Variants in ARHGAP20 observed in about 807,000 individuals in gnomAD.
The protein encoded by ARHGAP20 is Rho GTPase activating protein 20, also known as rho GTPase-activating protein 20.
In ARHGAP20, 34 loss-of-function variants were observed where a neutral mutation model predicts 73.7. The observed-to-expected ratio is 0.46, with a 90% CI of 0.35 to 0.61. The LOEUF is 0.61. Among genes scored for constraint, ARHGAP20 ranks in the 20% least tolerant of loss-of-function variants. The probability of loss-of-function intolerance (pLI) is 0.00; values close to 1 mark genes in which losing one functional copy is unlikely to be tolerated. For synonymous variants in ARHGAP20, 523 were observed against 518.2 expected, an observed-to-expected ratio of 1.01 and a Z score of -0.13; for missense variants, 1,314 against 1,420.9, an observed-to-expected ratio of 0.92 and a Z score of 1.21.
intron 1 of ARHGAP20, among the ~76,000 whole-genome samples, chr11:110,710,557 GC>G (rs1950629698): frequency 6.6e-6 from 1 of 152,088 alleles, no homozygotes; most frequent in African/African-American, 2.4e-5. Flanking sequence ...TAAATGTAGG[GC>G]TAGCCTGATA....
Position 110,577,331 on chromosome 11 carries a change from C to T in ARHGAP20, c.*2039G>A, listed in dbSNP as rs969113141. 4.0e-6 allele frequency: 5 copies of T among 1,254,052 alleles called. No individual in the cohort carries two copies. The highest frequency in any genetic ancestry group is 5.0e-6 in the Non-Finnish European group (5 of 997,360). 77.7% of individuals were successfully genotyped at this position (1,254,052 alleles called of 1,614,324 possible). On this transcript the variant is annotated 3_prime_UTR_variant, in exon 15 of 15. Transcript: ENST00000683387. Reference sequence around the variant, plus strand: ...AATCATACAATATAATACTTTACAGCAATATTAACAAACTATTCACATTAA... The same window carrying T: ...AATCATACAATATAATACTTTACAGTAATATTAACAAACTATTCACATTAA...
rs1361107646 is a variant in ARHGAP20, at chr11:110,653,372, T to C, written c.189-22580A>G. On this transcript the variant is annotated intron_variant, in intron 2 of 14. Transcript: ENST00000683387. ...ATCTACAAGGAACTTAAAACAAATT[T>C]ACAAGAAAATAAAACAACCCCATTA... Among the ~76,000 whole-genome samples, 10 of 151,982 alleles carry C rather than the reference T, an allele frequency of 6.6e-5. No homozygotes were observed. The South Asian group carries it at 2.1e-3, about 32-fold the overall frequency.
intron 9 of ARHGAP20, among the ~76,000 whole-genome samples, chr11:110,598,527 TAAG>T (rs1033933535): frequency 2.0e-5 from 3 of 152,182 alleles, no homozygotes; most frequent in African/African-American, 4.8e-5. Flanking sequence ...TCCTAGGTCT[TAAG>T]AAGGTCATTG....
intron 1 of ARHGAP20, among the ~76,000 whole-genome samples, chr11:110,696,416 TTTC>T (rs1950336617): frequency 6.6e-6 from 1 of 151,650 alleles, no homozygotes; most frequent in Non-Finnish European, 1.5e-5. Flanking sequence ...AAGTTATAAT[TTTC>T]TTCTTATCAC....
At chr11:110,685,143 T>C (rs552549382) in intron 2 of ARHGAP20, among the ~76,000 whole-genome samples, 77 of 152,304 alleles carry the variant, frequency 5.1e-4, no homozygotes, top group Non-Finnish European at 8.4e-4. Flanking sequence ...CACAGTCTTC[T>C]GGGAAATCTT....
chr11:110,624,113 T>C (rs760370910), intron 4 of ARHGAP20, 49 bp downstream of exon 4: 1 of 1,570,302 alleles, frequency 6.4e-7, no homozygotes, highest in Non-Finnish European at 8.6e-7. Context: ...TCCTAGAAAT[T>C]ATCATAGTAG....
intron 9 of ARHGAP20, among the ~76,000 whole-genome samples, chr11:110,592,401 C>T (rs1029642737): frequency 9.2e-5 from 14 of 152,204 alleles, no homozygotes; most frequent in African/African-American, 3.4e-4. Flanking sequence ...TTGGACATCA[C>T]TGGTCTGTTT....
intron 1 of ARHGAP20, among the ~76,000 whole-genome samples, chr11:110,709,466 A>C (rs1051513030): frequency 2.2e-4 from 34 of 152,220 alleles, no homozygotes; most frequent in African/African-American, 8.0e-4. Context: ...AGTAAATAAG[A>C]AAATATCAGG....
intron 3 of ARHGAP20, among the ~76,000 whole-genome samples, chr11:110,626,197 C>T (rs560006140): frequency 1.3e-5 from 2 of 152,238 alleles, no homozygotes; most frequent in Admixed American, 6.5e-5. Context: ...AGGTATCCTC[C>T]CATATTTGTT....
intron 11 of ARHGAP20, among the ~76,000 whole-genome samples, chr11:110,586,875 T>C (rs1947682070): frequency 6.6e-6 from 1 of 152,202 alleles, no homozygotes. Context: ...AAGAGGTACT[T>C]AAGGTTTCTC....
At chr11:110,665,094 T>C (rs1949697656) in intron 2 of ARHGAP20, among the ~76,000 whole-genome samples, 1 of 151,892 alleles carries the variant, frequency 6.6e-6, no homozygotes, top group Non-Finnish European at 1.5e-5. Flanking sequence ...CAATAACCCA[T>C]AGGTATAAAA....
chr11:110,660,060 A>C (rs1823431), intron 2 of ARHGAP20, among the ~76,000 whole-genome samples: 1 of 135,886 alleles, frequency 7.4e-6, no homozygotes, highest in Non-Finnish European at 1.5e-5. Context: ...ATAATAAAAA[A>C]CAAAAAAAAA....
At chr11:110,657,969 A>AG (rs1217433454) in intron 2 of ARHGAP20, among the ~76,000 whole-genome samples, 3 of 148,846 alleles carry the variant, frequency 2.0e-5, no homozygotes, top group Non-Finnish European at 4.5e-5. Flanking sequence ...GAAGGAAGGA[A>AG]GAAAATGTCT....
chr11:110,698,738 G>C (rs1356314333), intron 1 of ARHGAP20, among the ~76,000 whole-genome samples: 2 of 151,794 alleles, frequency 1.3e-5, no homozygotes, highest in Non-Finnish European at 2.9e-5. Context: ...ATGATCTTTT[G>C]TATCTCTATG....
At chr11:110,699,418 A>G (rs1950400498) in intron 1 of ARHGAP20, among the ~76,000 whole-genome samples, 1 of 151,858 alleles carries the variant, frequency 6.6e-6, no homozygotes, top group African/African-American at 2.4e-5. Context: ...TGTTAGGTCC[A>G]TTTGGTCTAC....
intron 4 of ARHGAP20, among the ~76,000 whole-genome samples, chr11:110,616,664 A>T (rs1037370282): frequency 2.0e-5 from 3 of 151,170 alleles, no homozygotes; most frequent in Admixed American, 6.6e-5. Context: ...ATTTGTCATC[A>T]GAAAGTGTAC....
At chr11:110,654,191 C>T (rs1476320771) in intron 2 of ARHGAP20, among the ~76,000 whole-genome samples, 1 of 152,038 alleles carries the variant, frequency 6.6e-6, no homozygotes, top group Non-Finnish European at 1.5e-5. Context: ...TGCACATGTA[C>T]TCTGGAACTT....
chr11:110,578,473 G>A lies in ARHGAP20; in HGVS notation c.*897C>T, dbSNP rs1474928903. On this transcript the variant is annotated 3_prime_UTR_variant, in exon 15 of 15. Coordinates refer to ENST00000683387, the MANE Select transcript of ARHGAP20 (RefSeq NM_001384657.1). ...GCCATGGTTTGATCACATTTTAACA[G>A]CATTTGTGTAATTGAGAAAGGACAG... 1 of 985,326 alleles carries A rather than the reference G, an allele frequency of 1.0e-6. No homozygotes were observed. Among genetic ancestry groups the A allele is most frequent in the Non-Finnish European group, 1.2e-6 (1 of 829,936 alleles). 61.0% of individuals were successfully genotyped at this position (985,326 alleles called of 1,614,324 possible).
chr11:110,685,672 C>A (rs1950119270), intron 2 of ARHGAP20, among the ~76,000 whole-genome samples: 1 of 152,062 alleles, frequency 6.6e-6, no homozygotes. Flanking sequence ...AAAAAGGATT[C>A]TTTGAAATCT....
Sources: allele counts gnomAD v4.1 joint callset (sites outside exome capture counted in the v4.1 genomes callset), GRCh38; gene constraint gnomAD v4.1.1; transcripts MANE v1.5; gene names NCBI Gene and HGNC (gene_info 2026-07-23, HGNC 2026-07-21).